Variants in TYW1 observed in about 807,000 individuals in gnomAD.
TYW1 encodes the protein S-adenosyl-L-methionine-dependent tRNA 4-demethylwyosine synthase TYW1.
TYW1 carries 46 observed loss-of-function variants against 96.2 expected under a neutral mutation model. The observed-to-expected ratio is 0.48, with a 90% CI of 0.38 to 0.61. TYW1 has a LOEUF of 0.61. Ranked by LOEUF, TYW1 falls within the 20% of genes least tolerant of loss-of-function variation. The pLI is 0.00. For missense variants in TYW1, 684 were observed against 909.6 expected (o/e 0.75, Z 3.19); for synonymous variants, 274 against 323.0 (o/e 0.85, Z 1.63).
chr7:67,055,080 T>C (rs560692475), intron 8 of TYW1, among the ~76,000 whole-genome samples: 8 of 152,336 alleles, frequency 5.3e-5, no homozygotes, highest in Non-Finnish European at 1.0e-4. Flanking sequence ...AATATATCAT[T>C]ACTTTTGTTT....
intron 13 of TYW1, among the ~76,000 whole-genome samples, chr7:67,174,723 G>A (rs2154645): frequency 0.27 from 40,547 of 148,336 alleles, 6,045 homozygotes; most frequent in African/African-American, 0.39. Flanking sequence ...TAAAAAAGCG[G>A]AAGTTGGTTA....
chr7:67,019,498 C>T (rs977667833), intron 6 of TYW1, among the ~76,000 whole-genome samples: 4 of 148,992 alleles, frequency 2.7e-5, no homozygotes, highest in Non-Finnish European at 6.0e-5. Context: ...ATGCCCAGAC[C>T]GTTTTGTAAA....
At chr7:67,236,434 T>C (rs957170368) in intron 15 of TYW1, among the ~76,000 whole-genome samples, 1 of 152,228 alleles carries the variant, frequency 6.6e-6, no homozygotes, top group African/African-American at 2.4e-5. Context: ...GCAGAAGTGC[T>C]GCCCAGGGAG....
intron 9 of TYW1, among the ~76,000 whole-genome samples, chr7:67,065,121 G>A (rs1365361694): frequency 6.6e-6 from 1 of 152,160 alleles, no homozygotes; most frequent in East Asian, 1.9e-4. Flanking sequence ...GTCCTTTGGT[G>A]AAGCTACCTT....
intron 13 of TYW1, among the ~76,000 whole-genome samples, chr7:67,167,714 C>A (rs927481696): frequency 1.3e-5 from 2 of 151,516 alleles, no homozygotes; most frequent in African/African-American, 4.8e-5. Context: ...AATTAAGTAT[C>A]CTTACATGTT....
intron 4 of TYW1, among the ~76,000 whole-genome samples, chr7:67,009,985 CTTT>C (rs1174548567): frequency 7.7e-6 from 1 of 129,710 alleles, no homozygotes; most frequent in Non-Finnish European, 1.7e-5. Context: ...TTTTTCTTTT[CTTT>C]TTTTTTTTTT....
intron 13 of TYW1, among the ~76,000 whole-genome samples, chr7:67,149,748 A>G (rs1798736969): frequency 2.4e-5 from 2 of 83,960 alleles, no homozygotes; most frequent in South Asian, 8.1e-4. Flanking sequence ...CTATCTATCT[A>G]TCTATCTATC....
chr7:67,165,405 T>C (rs1799288487), intron 13 of TYW1, among the ~76,000 whole-genome samples: 1 of 145,376 alleles, frequency 6.9e-6, no homozygotes, highest in African/African-American at 2.5e-5. Flanking sequence ...CTCATGACTA[T>C]ATATTTTTAA....
intron 14 of TYW1, among the ~76,000 whole-genome samples, chr7:67,184,897 G>A (rs535450646): frequency 3.3e-5 from 5 of 151,568 alleles, no homozygotes; most frequent in Admixed American, 6.6e-5. Flanking sequence ...TAGTAGAGAC[G>A]GGGTTTCACC....
intron 12 of TYW1, among the ~76,000 whole-genome samples, chr7:67,108,689 G>A (rs1156443861): frequency 1.3e-5 from 2 of 151,834 alleles, no homozygotes; most frequent in African/African-American, 2.4e-5. Flanking sequence ...TGCTTTGCCC[G>A]CCTTGGCCTC....
intron 13 of TYW1, among the ~76,000 whole-genome samples, chr7:67,145,150 CTT>C (rs201330239): frequency 1.1e-4 from 13 of 114,964 alleles, no homozygotes; most frequent in Admixed American, 2.8e-4. Context: ...GTTTTAGTTT[CTT>C]TTTTTTTTTT....
At chr7:67,053,133 T>G (rs574550399) in intron 8 of TYW1, among the ~76,000 whole-genome samples, 1 of 149,702 alleles carries the variant, frequency 6.7e-6, no homozygotes, top group African/African-American at 2.5e-5. Context: ...TTGGAAATAA[T>G]ATGAGCTTTA....
chr7:67,114,819 G>A (rs993123007), intron 12 of TYW1, among the ~76,000 whole-genome samples: 1 of 151,516 alleles, frequency 6.6e-6, no homozygotes, highest in African/African-American at 2.4e-5. Context: ...ATCTCCAAAA[G>A]TCTCTTTGCT....
chr7:67,142,754 A>G (rs551921584), intron 13 of TYW1, among the ~76,000 whole-genome samples: 159 of 152,268 alleles, frequency 1.0e-3, no homozygotes, highest in African/African-American at 3.8e-3. Context: ...TATTAATAAA[A>G]TTAGTTCAGA....
chr7:67,050,569 T>C (rs1015101425), intron 8 of TYW1, among the ~76,000 whole-genome samples: 27 of 152,296 alleles, frequency 1.8e-4, no homozygotes, highest in East Asian at 9.7e-4. Flanking sequence ...AGGCCTTTTA[T>C]GTGACCGTTC....
intron 13 of TYW1, among the ~76,000 whole-genome samples, chr7:67,135,627 GC>G (rs1798231303): frequency 6.8e-6 from 1 of 146,846 alleles, no homozygotes; most frequent in Non-Finnish European, 1.5e-5. Context: ...TTTTTTTAAA[GC>G]CTTTATGGTT....
rs559460216 is a variant in TYW1 at position 67,110,861 on chromosome 7, C to G, written c.1563-6622C>G. On this transcript the variant is annotated intron_variant, in intron 12 of 15. Transcript: ENST00000359626. The stretch of plus-strand genomic sequence containing the variant: ...CTCTACAAAAAATTAAAACATTAGC[C>G]AAGTGTTTTGGTGCATGCCTGTAGT... 2.2e-3 allele frequency among the ~76,000 whole-genome samples: 340 copies of G among 152,070 alleles called. 1 individual carries two copies. Among genetic ancestry groups the G allele is most frequent in the African/African-American group, 7.7e-3 (319 of 41,488 alleles).
At chr7:67,119,854 C>T (rs35913158) in intron 13 of TYW1, among the ~76,000 whole-genome samples, 36,560 of 151,968 alleles carry the variant, frequency 0.24, 4,658 homozygotes, top group African/African-American at 0.31. Context: ...GTGGCACCAT[C>T]ATAGCTCACT....
At chr7:67,120,520 C>T (rs1797731064) in intron 13 of TYW1, among the ~76,000 whole-genome samples, 1 of 152,130 alleles carries the variant, frequency 6.6e-6, no homozygotes, top group South Asian at 2.1e-4. Context: ...TCCATGCTTT[C>T]TTTGGTTATT....
Sources: gnomAD v4.1 joint callset for allele counts (sites outside exome capture counted in the v4.1 genomes callset) on GRCh38, gnomAD v4.1.1 for gene constraint, MANE v1.5 for transcripts, NCBI Gene and HGNC (gene_info 2026-07-23, HGNC 2026-07-21) for gene names.